The following LRRC8E variants were observed in gnomAD, a reference collection of about 807,000 sequenced individuals.
The protein encoded by LRRC8E is leucine rich repeat containing 8 VRAC subunit E, also known as volume-regulated anion channel subunit LRRC8E.
LRRC8E carries 6 observed loss-of-function variants against 6.1 expected under a neutral mutation model. The observed-to-expected ratio is 0.98, with a 90% CI of 0.54 to 1.93. LRRC8E has a LOEUF of 1.93. Among genes scored for constraint, LRRC8E ranks in the 30% most tolerant of loss-of-function variants. The pLI, the probability that LRRC8E is intolerant of heterozygous loss-of-function variation, is 0.01. For missense variants in LRRC8E, 1,028 were observed against 1,031.4 expected, an observed-to-expected ratio of 1.00 and a Z score of 0.04; for synonymous variants, 485 against 472.8, an observed-to-expected ratio of 1.03 and a Z score of -0.33.
intron 1 of LRRC8E, among the ~76,000 whole-genome samples, chr19:7,890,356 C>T (rs1307088439): frequency 6.6e-6 from 1 of 152,140 alleles, no homozygotes; most frequent in Non-Finnish European, 1.5e-5. Context: ...CAACACCGCT[C>T]TTAGGTGCTT....
In LRRC8E at chr19:7,899,233, G is replaced by A. The variant is rs1981795384; in HGVS notation, c.711G>A (p.Lys237=). 3 of 1,614,180 alleles carry A rather than the reference G, an allele frequency of 1.9e-6. No homozygotes were observed. The highest frequency in any genetic ancestry group is 1.7e-6 in the Non-Finnish European group (2 of 1,180,034). The change falls in exon 3 of 3, where the codon AAG becomes AAA. Residue 237 remains lysine (K), a synonymous_variant. Coordinates refer to ENST00000306708, the MANE Select transcript of LRRC8E (RefSeq NM_025061.6). ...AGCAAGCCAAAGCCCTGTTTGAGAA[G>A]GTGAAGAAGTTCCGCATGCACGTGG... ...EGEQAKALFE[K]VKKFRMHVEE...
At chr19:7,889,067 G>A (rs1176713116) in intron 1 of LRRC8E, among the ~76,000 whole-genome samples, 1 of 152,126 alleles carries the variant, frequency 6.6e-6, no homozygotes, top group Non-Finnish European at 1.5e-5. Flanking sequence ...CCACTCGGCT[G>A]GGAATCCGCA....
chr19:7,891,517 C>T (rs935098487), intron 1 of LRRC8E, among the ~76,000 whole-genome samples: 2 of 124,526 alleles, frequency 1.6e-5, no homozygotes, highest in African/African-American at 6.4e-5. Context: ...AAGTTGGTCC[C>T]TGCTCGGGTG....
chr19:7,899,325 C>A lies in LRRC8E; in HGVS notation c.803C>A (p.Ala268Asp). 1 of 1,614,212 alleles carries A rather than the reference C, an allele frequency of 6.2e-7. No homozygotes were observed. Among genetic ancestry groups the A allele is most frequent in the Non-Finnish European group, 8.5e-7 (1 of 1,180,036 alleles). The change falls in exon 3 of 3, where the codon GCC becomes GAC. Residue 268 changes from alanine (A) to aspartate (D), a missense_variant. Transcript: ENST00000306708. ...QTVLKVCKFL[A>D]ILVYNLVYVE... Reference sequence around the variant, plus strand: ...GTGCTGAAAGTGTGTAAGTTCCTGGCCATCCTGGTCTACAACCTGGTCTAT... The same window carrying A: ...GTGCTGAAAGTGTGTAAGTTCCTGGACATCCTGGTCTACAACCTGGTCTAT...
At position 7,899,970 on chromosome 19, in the gene LRRC8E, G is replaced by A. The variant is rs567328083; in HGVS notation, c.1448G>A (p.Arg483Gln). 3.7e-6 allele frequency: 6 copies of A among 1,609,350 alleles called. No individual in the cohort carries two copies. Among genetic ancestry groups the A allele is most frequent in the East Asian group, 2.2e-5 (1 of 44,820 alleles). The change falls in exon 3 of 3, where the codon CGG (arginine) becomes CAG (glutamine). Residue 483 changes from arginine (R) to glutamine (Q), a missense_variant. By Grantham distance (43) the Arg-to-Gln change is conservative. Transcript: ENST00000306708. ...CCCTTCTCCTTGCAGGTCTTCCTGC[G>A]GGACCACCTGAAGGTGATGCGCGTC... ...RLPFSLQVFL[R>Q]DHLKVMRVKC...
At chr19:7,894,509 G>T (rs1389990601) in intron 1 of LRRC8E, among the ~76,000 whole-genome samples, 1 of 152,192 alleles carries the variant, frequency 6.6e-6, no homozygotes, top group Non-Finnish European at 1.5e-5. Flanking sequence ...TTACAGGCAT[G>T]AGCCACCGCG....
chr19:7,889,633 C>T (rs2145091470), intron 1 of LRRC8E, among the ~76,000 whole-genome samples: 1 of 151,982 alleles, frequency 6.6e-6, no homozygotes, highest in East Asian at 2.0e-4. Flanking sequence ...GTCCCAGCTA[C>T]TGGGGAGGCT....
intron 1 of LRRC8E, among the ~76,000 whole-genome samples, chr19:7,891,774 T>C (rs1170025758): frequency 6.6e-6 from 1 of 151,024 alleles, no homozygotes; most frequent in African/African-American, 2.4e-5. Context: ...GCCTGGCTAA[T>C]TGTTTTTGTA....
chr19:7,900,921 G>A lies in LRRC8E; in HGVS notation c.*8G>A, dbSNP rs773465167. 2.0e-6 allele frequency: 3 copies of A among 1,515,536 alleles called. No individual in the cohort carries two copies. The highest frequency in any genetic ancestry group is 2.6e-6 in the Non-Finnish European group (3 of 1,134,698). 93.9% of individuals were successfully genotyped at this position (1,515,536 alleles called of 1,614,324 possible). A position where few individuals can be genotyped will look rare whatever the true frequency, so the allele number is the denominator to read the frequency against. On this transcript the variant is annotated 3_prime_UTR_variant, in exon 3 of 3. Transcript: ENST00000306708. This position sits in a 1 kb window ranked among gnomAD's most constrained non-coding sequence, Gnocchi z 5.0. ...AAGATGGAGGAGGAATGAAGCTGGG[G>A]TGGGGCCGTTTTAGGTAGAGCCTTA... is the stretch of plus-strand genomic sequence containing the variant.
At chr19:7,889,093 C>G (rs530759533) in intron 1 of LRRC8E, among the ~76,000 whole-genome samples, 1 of 152,212 alleles carries the variant, frequency 6.6e-6, no homozygotes, top group African/African-American at 2.4e-5. Context: ...GGGGCCTGAC[C>G]CAGGACGGGC....
intron 1 of LRRC8E, among the ~76,000 whole-genome samples, chr19:7,894,871 G>A (rs566815314): frequency 2.0e-5 from 3 of 152,330 alleles, no homozygotes; most frequent in East Asian, 1.9e-4. Flanking sequence ...CTTCCTCCTC[G>A]GACATCCGGA....
intron 2 of LRRC8E, among the ~76,000 whole-genome samples, chr19:7,896,263 T>C (rs1212174139): frequency 1.3e-5 from 2 of 151,258 alleles, no homozygotes. Flanking sequence ...TCTTTTTTTT[T>C]TTTTTCTTTT....
chr19:7,900,479 A>G lies in LRRC8E; in HGVS notation c.1957A>G (p.Arg653Gly). Residue 653 changes from arginine (R) to glycine (G), a missense_variant, in exon 3 of 3, where the codon AGG (arginine) becomes GGG (glycine). Physicochemically the swap from Arg to Gly is moderately radical, Grantham distance 125. Transcript: ENST00000306708. This position sits in a 1 kb window ranked among gnomAD's most constrained non-coding sequence, Gnocchi z 5.0. The stretch of plus-strand genomic sequence containing the variant: ...CGTCCCTGAGCACGTGCGGAAGCTC[A>G]GGAGCCTGGAGCAGCTCTACCTCAG... Reference protein sequence around the residue: ...AYVPEHVRKLRSLEQLYLSYN... With the variant: ...AYVPEHVRKLGSLEQLYLSYN... 2 of 1,612,984 alleles carry G rather than the reference A, an allele frequency of 1.2e-6. No individual in the cohort carries two copies. The highest frequency in any genetic ancestry group is 1.7e-6 in the Non-Finnish European group (2 of 1,180,004).
At position 7,900,262 on chromosome 19, in the gene LRRC8E, G is replaced by C; in HGVS notation, c.1740G>C (p.Lys580Asn). Residue 580 changes from lysine (K) to asparagine (N), a missense_variant, in exon 3 of 3, where the codon AAG becomes AAC. Coordinates refer to ENST00000306708, the MANE Select transcript of LRRC8E (RefSeq NM_025061.6). This position sits in a 1 kb window ranked among gnomAD's most constrained non-coding sequence, Gnocchi z 5.0. ...ARLVALNSLK[K>N]LAALRELELV... ...TGGTTGCCCTGAACAGCCTCAAGAA[G>C]CTGGCGGCATTGCGGGAGCTGGAGC... 6.2e-7 allele frequency: 1 copy of C among 1,613,456 alleles called. No individual in the cohort carries two copies. The highest frequency in any genetic ancestry group is 8.5e-7 in the Non-Finnish European group (1 of 1,180,030).
At position 7,900,389 on chromosome 19, in the gene LRRC8E, A is replaced by C. The variant is rs771716730; in HGVS notation, c.1867A>C (p.Ile623Leu). ...KDNHLRSIEE[I>L]LSFQHCRKLV... is the part of the protein sequence containing the mutation. Reference sequence around the variant, plus strand: ...CAACCACCTGCGCTCCATCGAGGAAATCCTCAGCTTCCAGCACTGCCGGAA... The same window carrying C: ...CAACCACCTGCGCTCCATCGAGGAACTCCTCAGCTTCCAGCACTGCCGGAA... The change falls in exon 3 of 3, where the codon ATC becomes CTC. Residue 623 changes from isoleucine to leucine, a missense_variant. Transcript: ENST00000306708. The surrounding 1 kb of genome is among the most constrained non-coding windows in gnomAD (Gnocchi z 5.0). The C allele has an allele frequency of 8.1e-6, 13 of 1,612,762 alleles. No homozygotes were observed. The highest frequency in any genetic ancestry group is 2.2e-5 in the East Asian group (1 of 44,886).
Position 7,900,466 on chromosome 19 carries a change from C to G in LRRC8E, c.1944C>G (p.His648Gln). 6.2e-7 allele frequency: 1 copy of G among 1,613,006 alleles called. No homozygotes were observed. ...WHNQIAYVPE[H>Q]VRKLRSLEQL... ...ACCAGATCGCCTACGTCCCTGAGCA[C>G]GTGCGGAAGCTCAGGAGCCTGGAGC... The change falls in exon 3 of 3, where the codon CAC becomes CAG. Residue 648 changes from histidine to glutamine, a missense_variant. His to Gln is a conservative substitution (Grantham distance 24, BLOSUM62 0). Transcript: ENST00000306708. This position sits in a 1 kb window ranked among gnomAD's most constrained non-coding sequence, Gnocchi z 5.0.
rs1182863952 is a variant in LRRC8E, at chr19:7,899,209, G to A, written c.687G>A (p.Glu229=). The change falls in exon 3 of 3, where the codon GAG becomes GAA. Residue 229 remains glutamate (E), a synonymous_variant. Coordinates refer to ENST00000306708, the MANE Select transcript of LRRC8E (RefSeq NM_025061.6). The part of the protein sequence containing the change: ...VVTLLDKKEG[E]QAKALFEKVK... ...CCCTGTTGGACAAGAAGGAGGGTGA[G>A]CAAGCCAAAGCCCTGTTTGAGAAGG... is the stretch of plus-strand genomic sequence containing the variant. 2.5e-6 allele frequency: 4 copies of A among 1,614,090 alleles called. No homozygotes were observed. In the African/African-American group the frequency reaches 5.3e-5, roughly 22 times the overall value.
Position 7,900,005 on chromosome 19 carries a change from G to T in LRRC8E, c.1483G>T (p.Glu495Ter). ...HLKVMRVKCE[E>*]LREVPLWVFG... ...GAAGGTGATGCGCGTCAAATGCGAG[G>T]AGCTCCGCGAGGTGCCGCTTTGGGT... Residue 495 changes from glutamate to a stop codon, truncating the protein, a stop_gained, in exon 3 of 3, where the codon GAG becomes TAG. Coordinates refer to ENST00000306708, the MANE Select transcript of LRRC8E (RefSeq NM_025061.6). LOFTEE classifies it low-confidence loss of function (END_TRUNC). The surrounding 1 kb of genome is among the most constrained non-coding windows in gnomAD (Gnocchi z 5.0). The T allele has an allele frequency of 1.9e-6, 3 of 1,609,680 alleles. No homozygotes were observed. In the South Asian group the frequency reaches 3.3e-5, roughly 18 times the overall value.
At chr19:7,892,651 TATAC>T (rs1191860746) in intron 1 of LRRC8E, among the ~76,000 whole-genome samples, 16 of 152,318 alleles carry the variant, frequency 1.1e-4, no homozygotes, top group African/African-American at 3.6e-4. Flanking sequence ...ACTTGGACTT[TATAC>T]CCTCGTGCAC....
Sources: allele counts gnomAD v4.1 joint callset (sites outside exome capture counted in the v4.1 genomes callset), GRCh38; gene constraint gnomAD v4.1.1; non-coding constraint Gnocchi (gnomAD v3.1); transcripts MANE v1.5; gene names NCBI Gene and HGNC (gene_info 2026-07-23, HGNC 2026-07-21).